Variants in FLNB observed in about 807,000 individuals in gnomAD.
FLNB encodes the protein filamin B.
FLNB carries 111 observed loss-of-function variants against 250.6 expected under a neutral mutation model. That is an observed-to-expected ratio of 0.44 (90% CI 0.38 to 0.52). The LOEUF (loss-of-function observed/expected upper bound fraction) is 0.52. Ranked by LOEUF, FLNB falls within the 20% of genes least tolerant of loss-of-function variation. FLNB has a pLI of 0.00. For missense variants in FLNB, 2,869 were observed against 3,447.8 expected, an observed-to-expected ratio of 0.83 and a Z score of 4.20; for synonymous variants, 1,302 against 1,372.1, an observed-to-expected ratio of 0.95 and a Z score of 1.13.
intron 20 of FLNB, 76 bp downstream of exon 20, chr3:58,121,579 C>A: frequency 1.3e-6 from 2 of 1,567,594 alleles, no homozygotes; most frequent in Non-Finnish European, 1.7e-6. Context: ...CTGGTTCTTC[C>A]TGGCAAAGAC....
rs755518501 is a variant in FLNB, at chr3:58,008,829, C to T, written c.265C>T (p.Arg89Cys). Reference sequence around the variant, plus strand: ...GTCCGTGGCGCTCGAGTTCCTGGACCGTGAGAGCATCAAGCTCGTGTCCAT... The same window carrying T: ...GTCCGTGGCGCTCGAGTTCCTGGACTGTGAGAGCATCAAGCTCGTGTCCAT... ...NVSVALEFLD[R>C]ESIKLVSIDS... Residue 89 changes from arginine to cysteine, a missense_variant, in exon 1 of 46, where the codon CGT becomes TGT. Transcript: ENST00000295956. The T allele has an allele frequency of 6.2e-6, 10 of 1,613,846 alleles. No individual in the cohort carries two copies. The Middle Eastern group carries it at 5.0e-4, about 80-fold the overall frequency.
chr3:58,015,424 G>A (rs559830306), intron 1 of FLNB, among the ~76,000 whole-genome samples: 37 of 152,250 alleles, frequency 2.4e-4, no homozygotes, highest in Admixed American at 9.8e-4. Context: ...CTTTCTCCAA[G>A]TTCAGAACGT....
Position 58,107,191 on chromosome 3 carries a change from G to A in FLNB, c.1941+318G>A, listed in dbSNP as rs144392959. Reference sequence around the variant, plus strand: ...ACTACAGGCATGTGCCACCACAGCTGGCTAATCTTTGTATTGTTTAGTAGA... The same window carrying A: ...ACTACAGGCATGTGCCACCACAGCTAGCTAATCTTTGTATTGTTTAGTAGA... On this transcript the variant is annotated intron_variant, in intron 12 of 45. Transcript: ENST00000295956. 8.2e-3 allele frequency among the ~76,000 whole-genome samples: 1,240 copies of A among 152,142 alleles called. 16 individuals are homozygous for A. Among genetic ancestry groups the A allele is most frequent in the African/African-American group, 0.029 (1,184 of 41,482 alleles).
intron 4 of FLNB, among the ~76,000 whole-genome samples, chr3:58,094,386 C>T (rs995114953): frequency 6.6e-6 from 1 of 152,176 alleles, no homozygotes; most frequent in Non-Finnish European, 1.5e-5. Flanking sequence ...GTTTCTTACA[C>T]CTACAGGTAA....
At chr3:58,125,829 A>C in intron 23 of FLNB, 86 bp downstream of exon 23, 1 of 1,317,638 alleles carries the variant, frequency 7.6e-7, no homozygotes, top group South Asian at 1.2e-5. Flanking sequence ...AACTTTTGAT[A>C]AGATGAATTT....
chr3:58,105,034 C>T, intron 10 of FLNB, 46 bp from the exon 11 acceptor site: 1 of 1,613,456 alleles, frequency 6.2e-7, no homozygotes, highest in South Asian at 1.1e-5. Flanking sequence ...ATAGTGACAC[C>T]TTACTTTACT....
chr3:58,031,837 C>T (rs938910902), intron 1 of FLNB, among the ~76,000 whole-genome samples: 1 of 151,976 alleles, frequency 6.6e-6, no homozygotes, highest in South Asian at 2.1e-4. Context: ...AACCACTGCA[C>T]CCCCATCCAA....
chr3:58,105,053 A>T (rs1466398271), intron 10 of FLNB, 27 bp from the exon 11 acceptor site: 1 of 1,614,158 alleles, frequency 6.2e-7, no homozygotes, highest in East Asian at 2.2e-5. Flanking sequence ...CTCTTCTTTG[A>T]TGCTTCTTCT....
At position 58,141,904 on chromosome 3, in the gene FLNB, C is replaced by T; in HGVS notation, c.5156C>T (p.Ala1719Val). 1 of 1,614,162 alleles carries T rather than the reference C, an allele frequency of 6.2e-7. No individual in the cohort carries two copies. Among genetic ancestry groups the T allele is most frequent in the East Asian group, 2.2e-5 (1 of 44,888 alleles). Residue 1719 changes from alanine (A) to valine (V), a missense_variant, in exon 30 of 46, where the codon GCA (alanine) becomes GTA (valine). This residue lies in a region of FLNB where 1,084 missense variants were observed against 1,315.5 expected (regional missense o/e 0.82). Coordinates refer to ENST00000295956, the MANE Select transcript of FLNB (RefSeq NM_001457.4). ...VTAVEEAPVN[A>V]CPPGFRPWVT... ...GCCGTGGAGGAGGCACCGGTAAATG[C>T]ATGTCCCCCTGGATTCAGGCCCTGG...
At chr3:58,075,683 A>G (rs945060971) in intron 1 of FLNB, among the ~76,000 whole-genome samples, 3 of 152,158 alleles carry the variant, frequency 2.0e-5, no homozygotes, top group Non-Finnish European at 4.4e-5. Flanking sequence ...GCTATCAAAG[A>G]CAAAAATGTT....
intron 8 of FLNB, among the ~76,000 whole-genome samples, chr3:58,099,458 C>T (rs1218419651): frequency 6.6e-6 from 1 of 152,222 alleles, no homozygotes; most frequent in African/African-American, 2.4e-5. Context: ...CTTAACTACT[C>T]TGCTAAACTC....
At chr3:58,025,849 C>T (rs2097122879) in intron 1 of FLNB, among the ~76,000 whole-genome samples, 1 of 152,164 alleles carries the variant, frequency 6.6e-6, no homozygotes. Context: ...TCGCTAGAAC[C>T]TGGGAGGCGG....
intron 1 of FLNB, among the ~76,000 whole-genome samples, chr3:58,062,972 A>G (rs6445942): frequency 0.15 from 23,114 of 152,176 alleles, 5,688 homozygotes; most frequent in African/African-American, 0.52. Context: ...TTGATGGGAC[A>G]GTCGTCAGGC....
rs147854989 is a variant in FLNB at position 58,098,853 on chromosome 3, C to A, written c.1290C>A (p.Ile430=). 2 of 1,613,972 alleles carry A rather than the reference C, an allele frequency of 1.2e-6. No individual in the cohort carries two copies. The highest frequency in any genetic ancestry group is 1.1e-5 in the South Asian group (1 of 91,078). The change falls in exon 8 of 46, where the codon ATC becomes ATA. Residue 430 remains isoleucine (I), a synonymous_variant. Coordinates refer to ENST00000295956, the MANE Select transcript of FLNB (RefSeq NM_001457.4). ...AGCCTGGCCCTCACGTGGTCAAGAT[C>A]TTCTTTGCTGGGGACACTATTCCTA... The part of the protein sequence containing the change: ...PMQPGPHVVK[I]FFAGDTIPKS...
At chr3:58,116,137 A>G (rs2097277453) in intron 18 of FLNB, among the ~76,000 whole-genome samples, 1 of 152,066 alleles carries the variant, frequency 6.6e-6, no homozygotes, top group African/African-American at 2.4e-5. Flanking sequence ...AGTGATGCCA[A>G]CACCTCCTCA....
chr3:58,031,320 G>A (rs1021392323), intron 1 of FLNB, among the ~76,000 whole-genome samples: 3 of 152,004 alleles, frequency 2.0e-5, no homozygotes, highest in African/African-American at 7.3e-5. Flanking sequence ...TCGGCTCACT[G>A]CAAGCTCCGC....
chr3:58,027,633 G>A (rs1323274710), intron 1 of FLNB, among the ~76,000 whole-genome samples: 4 of 152,104 alleles, frequency 2.6e-5, no homozygotes, highest in East Asian at 1.9e-4. Flanking sequence ...TGGGGCCCTC[G>A]CCTGAACCTT....
intron 1 of FLNB, among the ~76,000 whole-genome samples, chr3:58,014,194 A>T (rs563478970): frequency 8.1e-4 from 124 of 152,368 alleles, no homozygotes; most frequent in African/African-American, 2.9e-3. Flanking sequence ...CTGAAAGGGC[A>T]TTTGAAATCA....
At chr3:58,116,780 G>A (rs748728629) in intron 18 of FLNB, among the ~76,000 whole-genome samples, 17 of 152,112 alleles carry the variant, frequency 1.1e-4, no homozygotes, top group South Asian at 2.1e-4. Context: ...ATTTCTCACC[G>A]CACGTTCCCC....
Sources: allele counts gnomAD v4.1 joint callset (sites outside exome capture counted in the v4.1 genomes callset), GRCh38; gene constraint gnomAD v4.1.1; regional missense constraint gnomAD v4.1.1; transcripts MANE v1.5; gene names NCBI Gene and HGNC (gene_info 2026-07-23, HGNC 2026-07-21).